Variants in FBXW8 observed in about 807,000 individuals in gnomAD.
The protein encoded by FBXW8 is F-box/WD repeat-containing protein 8.
In FBXW8, 57 loss-of-function variants were observed where a neutral mutation model predicts 65.3. That is an observed-to-expected ratio of 0.87 (90% CI 0.71 to 1.09). The LOEUF is 1.09. Among genes scored for constraint, FBXW8 ranks in the 50% least tolerant of loss-of-function variants. The pLI is 0.00. For synonymous variants in FBXW8, 308 were observed against 330.2 expected (o/e 0.93, Z 0.73); for missense variants, 777 against 814.8 (o/e 0.95, Z 0.57).
At chr12:116,998,944 T>C (rs1363237690) in intron 7 of FBXW8, among the ~76,000 whole-genome samples, 3 of 152,226 alleles carry the variant, frequency 2.0e-5, no homozygotes, top group African/African-American at 7.2e-5. Flanking sequence ...AGTAGAGAAC[T>C]TTCACTTTTT....
intron 7 of FBXW8, among the ~76,000 whole-genome samples, chr12:117,000,710 C>G (rs1191721482): frequency 6.6e-6 from 1 of 152,230 alleles, no homozygotes; most frequent in African/African-American, 2.4e-5. Context: ...GAGGTTTGAG[C>G]TCCTTAGGGC....
intron 1 of FBXW8, among the ~76,000 whole-genome samples, chr12:116,925,644 CT>C (rs1310469966): frequency 2.0e-5 from 3 of 152,108 alleles, no homozygotes; most frequent in Non-Finnish European, 2.9e-5. Flanking sequence ...AGCACAGTGA[CT>C]TTTTTTTAAA....
chr12:116,913,289 T>C (rs767933066), intron 1 of FBXW8, among the ~76,000 whole-genome samples: 1 of 152,196 alleles, frequency 6.6e-6, no homozygotes, highest in Non-Finnish European at 1.5e-5. Context: ...ATGCCAAAAA[T>C]AGTAAAGAAG....
chr12:116,913,878 AT>A lies in FBXW8; in HGVS notation c.318+2526del, dbSNP rs373532018. ...GGCCTTCCCTGTCTTCCTGGAATTC[AT>A]TTCCCTGGTCTCCTCTGCCCCCTTC... is the stretch of plus-strand genomic sequence containing the variant. On this transcript the variant is annotated intron_variant, in intron 1 of 10. Transcript: ENST00000652555. 9.2e-4 allele frequency among the ~76,000 whole-genome samples: 140 copies of A among 152,204 alleles called. 1 individual carries two copies. Among genetic ancestry groups the A allele is most frequent in the African/African-American group, 3.2e-3 (134 of 41,514 alleles).
chr12:116,969,220 C>CT (rs1555221422), intron 5 of FBXW8, among the ~76,000 whole-genome samples: 1 of 152,128 alleles, frequency 6.6e-6, no homozygotes, highest in Non-Finnish European at 1.5e-5. Context: ...CCATTGAAAT[C>CT]TTTGATTCGT....
chr12:117,018,581 G>GCTGT (rs1156949620), intron 8 of FBXW8, among the ~76,000 whole-genome samples: 1 of 147,082 alleles, frequency 6.8e-6, no homozygotes, highest in African/African-American at 2.6e-5. Flanking sequence ...AGCACACTGT[G>GCTGT]CTGTCTGCTG....
chr12:116,985,119 A>T (rs185073564), intron 5 of FBXW8, 87 bp from the exon 6 acceptor site: 673 of 1,239,518 alleles, frequency 5.4e-4, no homozygotes, highest in Admixed American at 1.0e-3. Context: ...CCGTTAAAAA[A>T]TTTTCCTTTG....
At chr12:116,917,044 G>C (rs1261180455) in intron 1 of FBXW8, among the ~76,000 whole-genome samples, 3 of 152,158 alleles carry the variant, frequency 2.0e-5, no homozygotes, top group African/African-American at 4.8e-5. Flanking sequence ...AGATGCAATG[G>C]TGCTTTTGAA....
chr12:116,963,544 C>T (rs1312930695), intron 4 of FBXW8, among the ~76,000 whole-genome samples: 1 of 152,190 alleles, frequency 6.6e-6, no homozygotes, highest in Non-Finnish European at 1.5e-5. Flanking sequence ...ACGGAGGTTG[C>T]AGTGAGCCGA....
At chr12:117,027,667 G>A (rs1565949410) in intron 10 of FBXW8, among the ~76,000 whole-genome samples, 163 bp downstream of exon 10, 1 of 151,628 alleles carries the variant, frequency 6.6e-6, no homozygotes, top group Non-Finnish European at 1.5e-5. Flanking sequence ...GACCTGTACT[G>A]AGCACCCAGC....
At position 116,949,678 on chromosome 12, in the gene FBXW8, C is replaced by T; in HGVS notation, c.649C>T (p.His217Tyr). 1 of 1,614,194 alleles carries T rather than the reference C, an allele frequency of 6.2e-7. No homozygotes were observed. The highest frequency in any genetic ancestry group is 2.2e-5 in the East Asian group (1 of 44,886). The change falls in exon 4 of 11, where the codon CAT (histidine) becomes TAT (tyrosine). Residue 217 changes from histidine (H) to tyrosine (Y), a missense_variant. Transcript: ENST00000652555. Reference sequence around the variant, plus strand: ...TCCTGACACAGTTTTGTGTGATGTGCATTCTCACGATGGTGTGGTCATTGC... The same window carrying T: ...TCCTGACACAGTTTTGTGTGATGTGTATTCTCACGATGGTGTGGTCATTGC... ...HVPDTVLCDV[H>Y]SHDGVVIAGY...
chr12:117,008,343 T>C (rs1458181979), intron 7 of FBXW8, among the ~76,000 whole-genome samples: 1 of 152,240 alleles, frequency 6.6e-6, no homozygotes, highest in Non-Finnish European at 1.5e-5. Context: ...CGATTTTATA[T>C]AATTTTTAGG....
At chr12:117,002,710 T>C (rs145966270) in intron 7 of FBXW8, 4 of 152,356 alleles carry the variant, frequency 2.6e-5, no homozygotes, top group East Asian at 3.9e-4. Context: ...TGCTTTTAAA[T>C]CAGACATCCA....
chr12:117,017,832 A>G (rs369201654), intron 8 of FBXW8, among the ~76,000 whole-genome samples: 16 of 152,126 alleles, frequency 1.1e-4, no homozygotes, highest in Admixed American at 2.6e-4. Flanking sequence ...TCATTATCAT[A>G]TGGGAGTATT....
intron 5 of FBXW8, among the ~76,000 whole-genome samples, chr12:116,971,180 TAGTG>T (rs1457194112): frequency 6.6e-6 from 1 of 152,004 alleles, no homozygotes; most frequent in Non-Finnish European, 1.5e-5. Context: ...CTGGGCAACA[TAGTG>T]AGCCTCCGTC....
chr12:117,027,002 C>T (rs1008182574), intron 9 of FBXW8, among the ~76,000 whole-genome samples: 1 of 152,166 alleles, frequency 6.6e-6, no homozygotes, highest in Non-Finnish European at 1.5e-5. Context: ...GCCCCCAGTG[C>T]TCCATAGATG....
intron 2 of FBXW8, among the ~76,000 whole-genome samples, chr12:116,933,663 G>A (rs557650640): frequency 1.3e-5 from 2 of 152,306 alleles, no homozygotes; most frequent in Middle Eastern, 3.4e-3. Context: ...ACAGAACCCC[G>A]TTAGCGTACA....
At chr12:116,926,977 A>G (rs1207171827) in intron 1 of FBXW8, among the ~76,000 whole-genome samples, 1 of 152,128 alleles carries the variant, frequency 6.6e-6, no homozygotes, top group African/African-American at 2.4e-5. Context: ...CTTGCAATAC[A>G]TAAGACCGCT....
chr12:116,926,304 G>C (rs1055690862), intron 1 of FBXW8, among the ~76,000 whole-genome samples: 3 of 152,156 alleles, frequency 2.0e-5, no homozygotes, highest in African/African-American at 7.2e-5. Flanking sequence ...GGTTGTAGGA[G>C]GATAAGGAAC....
Sources: gnomAD v4.1 joint callset for allele counts (sites outside exome capture counted in the v4.1 genomes callset) on GRCh38, gnomAD v4.1.1 for gene constraint, MANE v1.5 for transcripts, NCBI Gene and HGNC (gene_info 2026-07-23, HGNC 2026-07-21) for gene names.